The following PPP2R2B variants were observed in gnomAD, a reference collection of about 807,000 sequenced individuals.
The protein encoded by PPP2R2B is protein phosphatase 2 regulatory subunit Bbeta, also known as serine/threonine-protein phosphatase 2A 55 kDa regulatory subunit B beta isoform.
In PPP2R2B, 5 loss-of-function variants were observed where a neutral mutation model predicts 46.0. The observed-to-expected ratio is 0.11, with a 90% CI of 0.06 to 0.23. The LOEUF is 0.23. PPP2R2B is among the 10% of genes least tolerant of loss of function. The probability of loss-of-function intolerance (pLI) is 1.00; values close to 1 mark genes in which losing one functional copy is unlikely to be tolerated. For synonymous variants in PPP2R2B, 215 were observed against 206.7 expected (o/e 1.04, Z -0.34); for missense variants, 367 against 575.0 (o/e 0.64, Z 3.70).
intron 5 of PPP2R2B, among the ~76,000 whole-genome samples, chr5:146,666,684 CCT>C (rs1435274629): frequency 6.6e-6 from 1 of 152,208 alleles, no homozygotes; most frequent in Non-Finnish European, 1.5e-5. Flanking sequence ...CAAGACTCAG[CCT>C]CCAATCTTCA....
chr5:147,047,458 C>A (rs114905314), intron 1 of PPP2R2B, among the ~76,000 whole-genome samples: 78 of 152,102 alleles, frequency 5.1e-4, no homozygotes, highest in African/African-American at 1.9e-3. Flanking sequence ...TTAAACTCCA[C>A]CCCCCAAAAT....
chr5:147,063,194 A>T (rs1757319270), intron 2 of PPP2R2B, among the ~76,000 whole-genome samples: 1 of 152,172 alleles, frequency 6.6e-6, no homozygotes, highest in African/African-American at 2.4e-5. Flanking sequence ...CCTAAATGGA[A>T]CATTGGGACA....
chr5:146,624,266 A>G (rs888439846), intron 7 of PPP2R2B, among the ~76,000 whole-genome samples: 1 of 152,198 alleles, frequency 6.6e-6, no homozygotes, highest in African/African-American at 2.4e-5. Flanking sequence ...TGCCTTTTTA[A>G]AAACATAAAT....
At chr5:147,031,691 AC>A (rs773157098) in intron 1 of PPP2R2B, among the ~76,000 whole-genome samples, 3 of 152,238 alleles carry the variant, frequency 2.0e-5, no homozygotes, top group Non-Finnish European at 4.4e-5. Flanking sequence ...TATCCTTTAT[AC>A]TTAGGCACAT....
intron 1 of PPP2R2B, among the ~76,000 whole-genome samples, chr5:146,942,644 A>G (rs1177285182): frequency 1.3e-5 from 2 of 152,212 alleles, no homozygotes; most frequent in Non-Finnish European, 2.9e-5. Context: ...ATAATGCATG[A>G]GAACTCCTGT....
chr5:146,695,611 T>G (rs1779132984), intron 4 of PPP2R2B, among the ~76,000 whole-genome samples: 1 of 152,218 alleles, frequency 6.6e-6, no homozygotes, highest in Non-Finnish European at 1.5e-5. Context: ...CATTCTTGAC[T>G]TTATTATCAC....
At chr5:146,841,591 T>C (rs1349945496) in intron 2 of PPP2R2B, among the ~76,000 whole-genome samples, 1 of 152,146 alleles carries the variant, frequency 6.6e-6, no homozygotes, top group African/African-American at 2.4e-5. Flanking sequence ...TACCATGGAA[T>C]ACTATGCAAC....
At position 146,595,032 on chromosome 5, in the gene PPP2R2B, A is replaced by G. The variant is rs569196058; in HGVS notation, c.961-1970T>C. Among the ~76,000 whole-genome samples the G allele has an allele frequency of 2.6e-5, 4 of 152,298 alleles. No individual in the cohort carries two copies. In the South Asian group the frequency reaches 8.3e-4, roughly 32 times the overall value. ...CTATGTTCCATTAGATGTTCTGGGT[A>G]TTTGAAAAGCTCTGAGTTATTTGGA... On this transcript the variant is annotated intron_variant, in intron 8 of 9. Transcript: ENST00000394411.
At chr5:146,947,243 C>T (rs1764512080) in intron 1 of PPP2R2B, among the ~76,000 whole-genome samples, 1 of 152,162 alleles carries the variant, frequency 6.6e-6, no homozygotes, top group Non-Finnish European at 1.5e-5. Flanking sequence ...CTTCTTGTGA[C>T]AACAGCACCC....
chr5:146,960,373 T>TCCACCTCCCGGATTCAAGCGATTCTC (rs1752116676), intron 1 of PPP2R2B, among the ~76,000 whole-genome samples: 3 of 152,126 alleles, frequency 2.0e-5, no homozygotes, highest in African/African-American at 7.2e-5. Context: ...CACTGCAACC[T>TCCACCTCCCGGATTCAAGCGATTCTC]CCACCTCCCG....
chr5:146,811,800 C>G (rs888179919), intron 2 of PPP2R2B, among the ~76,000 whole-genome samples: 1 of 150,842 alleles, frequency 6.6e-6, no homozygotes, highest in Non-Finnish European at 1.5e-5. Flanking sequence ...ATCTCCTGAC[C>G]TCGTGATCTG....
rs1056934354 is a variant in PPP2R2B, at chr5:146,983,387, A to G, written c.79+72278T>C. 2.0e-4 allele frequency among the ~76,000 whole-genome samples: 30 copies of G among 151,966 alleles called. No homozygotes were observed. The East Asian group carries it at 2.1e-3, about 11-fold the overall frequency. ...AGTAGAGACGGGGTTTCACCATGTTAGCCAGGATGGTCTTGATCTCCTGAC... is the reference window on the plus strand; with the variant it reads ...AGTAGAGACGGGGTTTCACCATGTTGGCCAGGATGGTCTTGATCTCCTGAC... On this transcript the variant is annotated intron_variant, in intron 1 of 8. Coordinates refer to the PPP2R2B transcript ENST00000336640.
intron 5 of PPP2R2B, among the ~76,000 whole-genome samples, chr5:146,689,411 T>G (rs1778697788): frequency 6.6e-6 from 1 of 152,218 alleles, no homozygotes; most frequent in South Asian, 2.1e-4. Context: ...GATATGTTTA[T>G]ATACACAAAT....
At chr5:146,699,661 GTTTT>G (rs11388336) in intron 3 of PPP2R2B, among the ~76,000 whole-genome samples, 3 of 118,056 alleles carry the variant, frequency 2.5e-5, no homozygotes, top group Non-Finnish European at 5.0e-5. Context: ...AACTTAATTG[GTTTT>G]TTTTTTTTTT....
intron 5 of PPP2R2B, among the ~76,000 whole-genome samples, chr5:146,660,662 C>G (rs1257767883): frequency 1.3e-5 from 2 of 152,156 alleles, no homozygotes; most frequent in Non-Finnish European, 2.9e-5. Flanking sequence ...CTGCTCACAC[C>G]CTTCAACAGC....
Position 146,923,947 on chromosome 5 carries a change from C to T in PPP2R2B, c.79+131718G>A, listed in dbSNP as rs1022743774. Among the ~76,000 whole-genome samples the T allele has an allele frequency of 6.6e-5, 10 of 152,228 alleles. 1 individual carries two copies. The East Asian group carries it at 1.9e-3, about 29-fold the overall frequency. The stretch of plus-strand genomic sequence containing the variant: ...GCAGGGACATAGATGGACCTGGAGG[C>T]CATTATCCTTACCAAACTAACACAG... On this transcript the variant is annotated intron_variant, in intron 1 of 8. Transcript: ENST00000336640.
At chr5:146,853,004 T>G (rs1326282896) in intron 2 of PPP2R2B, among the ~76,000 whole-genome samples, 1 of 152,104 alleles carries the variant, frequency 6.6e-6, no homozygotes, top group Admixed American at 6.6e-5. Flanking sequence ...CATTTTGTGC[T>G]GAGCAGTCGT....
chr5:146,939,976 T>C (rs1242928017), intron 1 of PPP2R2B, among the ~76,000 whole-genome samples: 1 of 152,220 alleles, frequency 6.6e-6, no homozygotes, highest in Non-Finnish European at 1.5e-5. Flanking sequence ...CCATTTGTAA[T>C]CTTTGAATAT....
intron 2 of PPP2R2B, among the ~76,000 whole-genome samples, chr5:146,826,288 A>G (rs939176105): frequency 2.6e-5 from 4 of 152,200 alleles, no homozygotes; most frequent in Non-Finnish European, 5.9e-5. Flanking sequence ...ATTCTCAACC[A>G]TCATGCCTAC....
Sources: allele counts gnomAD v4.1 joint callset (sites outside exome capture counted in the v4.1 genomes callset), GRCh38; gene constraint gnomAD v4.1.1; transcripts MANE v1.5; gene names NCBI Gene and HGNC (gene_info 2026-07-23, HGNC 2026-07-21).